ITGAV: variants seen among roughly 807,000 people sequenced by gnomAD.
The protein encoded by ITGAV is integrin subunit alpha V.
ITGAV carries 76 observed loss-of-function variants against 143.8 expected under a neutral mutation model. The observed-to-expected ratio is 0.53, with a 90% CI of 0.44 to 0.64. ITGAV has a LOEUF of 0.64. Among genes scored for constraint, ITGAV ranks in the 30% least tolerant of loss-of-function variants. ITGAV has a pLI of 0.00. For synonymous variants in ITGAV, 453 were observed against 446.7 expected (o/e 1.01, Z -0.18); for missense variants, 1,193 against 1,274.7 (o/e 0.94, Z 0.98).
chr2:186,649,756 A>G (rs1688371663), intron 13 of ITGAV, 84 bp from the exon 14 acceptor site: 4 of 909,888 alleles, frequency 4.4e-6, no homozygotes, highest in Non-Finnish European at 1.6e-6. Flanking sequence ...AAACCTTTTT[A>G]TATTCATTGA....
At chr2:186,642,539 T>C (rs1688136800) in intron 12 of ITGAV, among the ~76,000 whole-genome samples, 1 of 147,252 alleles carries the variant, frequency 6.8e-6, no homozygotes, top group Non-Finnish European at 1.5e-5. Context: ...TTTTTTCTTT[T>C]TTTTTTTTTT....
chr2:186,664,759 T>G, intron 20 of ITGAV, 118 bp downstream of exon 20: 2 of 1,217,464 alleles, frequency 1.6e-6, no homozygotes, highest in Non-Finnish European at 1.2e-6. Context: ...GCTAAATTGA[T>G]AGACAATGGA....
chr2:186,663,774 A>G lies in ITGAV; in HGVS notation c.1864A>G (p.Ile622Val). The part of the protein sequence containing the change: ...TPANISRQAH[I>V]LLDCGEDNVC... Reference sequence around the variant, plus strand: ...ATAAAATGTTTTTTTCTAGGCTCACATTCTACTTGACTGTGGTGAAGACAA... The same window carrying G: ...ATAAAATGTTTTTTTCTAGGCTCACGTTCTACTTGACTGTGGTGAAGACAA... The change falls in exon 19 of 30, where the codon ATT becomes GTT. Residue 622 changes from isoleucine (I) to valine (V), a missense_variant. Coordinates refer to ENST00000261023, the MANE Select transcript of ITGAV (RefSeq NM_002210.5). The G allele has an allele frequency of 1.9e-6, 3 of 1,611,834 alleles. No individual in the cohort carries two copies. The highest frequency in any genetic ancestry group is 2.2e-5 in the East Asian group (1 of 44,790).
At chr2:186,658,283 A>G (rs1289177701) in intron 17 of ITGAV, among the ~76,000 whole-genome samples, 1 of 152,200 alleles carries the variant, frequency 6.6e-6, no homozygotes, top group Non-Finnish European at 1.5e-5. Flanking sequence ...AAGAAGCAAG[A>G]CAAATACCCC....
intron 2 of ITGAV, among the ~76,000 whole-genome samples, chr2:186,619,063 GTA>G (rs144761943): frequency 6.1e-5 from 9 of 148,422 alleles, no homozygotes; most frequent in Admixed American, 1.3e-4. Flanking sequence ...GTATGTATGT[GTA>G]TATATATATA....
Position 186,630,773 on chromosome 2 carries a change from A to G in ITGAV, c.524-24A>G, listed in dbSNP as rs202060340. Reference sequence around the variant, plus strand: ...GTGTTGTTTGTTTTTGGGTTTGTGTATATTTCCAATCTTTTTATTTTAGAA... The same window carrying G: ...GTGTTGTTTGTTTTTGGGTTTGTGTGTATTTCCAATCTTTTTATTTTAGAA... On this transcript the variant is annotated intron_variant, in intron 4 of 29. Transcript: ENST00000261023. 301 of 1,359,292 alleles carry G rather than the reference A, an allele frequency of 2.2e-4. No individual in the cohort carries two copies. In the African/African-American group the frequency reaches 2.6e-3, roughly 12 times the overall value. 84.2% of individuals were successfully genotyped at this position (1,359,292 alleles called of 1,614,324 possible). A position where few individuals can be genotyped will look rare whatever the true frequency, so the allele number is the denominator to read the frequency against.
Position 186,676,905 on chromosome 2 carries a change from A to G in ITGAV, c.3021A>G (p.Leu1007=). Residue 1007 remains leucine (L), a synonymous_variant, in exon 29 of 30, where the codon CTA becomes CTG. Coordinates refer to ENST00000261023, the MANE Select transcript of ITGAV (RefSeq NM_002210.5). ...TAGCAGTTCTAGCAGGATTGTTGCT[A>G]CTGGCTGTTTTGGTATTTGTAATGT... is the stretch of plus-strand genomic sequence containing the variant. The part of the protein sequence containing the change: ...IILAVLAGLL[L]LAVLVFVMYR... 6.2e-7 allele frequency: 1 copy of G among 1,614,012 alleles called. No individual in the cohort carries two copies. Among genetic ancestry groups the G allele is most frequent in the African/African-American group, 1.3e-5 (1 of 75,006 alleles).
chr2:186,666,753 C>T lies in ITGAV; in HGVS notation c.2216C>T (p.Thr739Ile). 2 of 1,584,560 alleles carry T rather than the reference C, an allele frequency of 1.3e-6. No homozygotes were observed. The highest frequency in any genetic ancestry group is 1.7e-6 in the Non-Finnish European group (2 of 1,167,788). ...GTGCACCAGCAGTCAGAGATGGATACTTCTGTGAAATTTGACTTACAAATC... is the reference window on the plus strand; with the variant it reads ...GTGCACCAGCAGTCAGAGATGGATATTTCTGTGAAATTTGACTTACAAATC... ...FSVHQQSEMD[T>I]SVKFDLQIQS... The change falls in exon 22 of 30, where the codon ACT (threonine) becomes ATT (isoleucine). Residue 739 changes from threonine (T) to isoleucine (I), a missense_variant. Thr to Ile is a moderately conservative substitution (Grantham distance 89, BLOSUM62 -1). Coordinates refer to ENST00000261023, the MANE Select transcript of ITGAV (RefSeq NM_002210.5).
Position 186,638,262 on chromosome 2 carries a change from G to A in ITGAV, c.803-15G>A, listed in dbSNP as rs1688002052. The A allele has an allele frequency of 6.2e-7, 1 of 1,613,096 alleles. No homozygotes were observed. Among genetic ancestry groups the A allele is most frequent in the African/African-American group, 1.3e-5 (1 of 74,904 alleles). On this transcript the variant is annotated splice_polypyrimidine_tract_variant and intron_variant, in intron 8 of 29. Coordinates refer to ENST00000261023, the MANE Select transcript of ITGAV (RefSeq NM_002210.5). ...GTCCTAAAAAATGAATAATTTGTTT[G>A]TTTGTTTGTTTCAGACTTTGTTTCA...
At chr2:186,621,857 A>G (rs1400994282) in intron 2 of ITGAV, among the ~76,000 whole-genome samples, 1 of 152,142 alleles carries the variant, frequency 6.6e-6, no homozygotes, top group Non-Finnish European at 1.5e-5. Context: ...TCTTTTTTCT[A>G]CCAACCAAAT....
chr2:186,646,564 A>G (rs1019031370), intron 12 of ITGAV, 122 bp from the exon 13 acceptor site: 5 of 618,020 alleles, frequency 8.1e-6, no homozygotes, highest in African/African-American at 7.4e-5. Flanking sequence ...AAGTACTGAA[A>G]CTTTCTTCTC....
intron 26 of ITGAV, among the ~76,000 whole-genome samples, chr2:186,671,988 G>C (rs991360185): frequency 1.6e-5 from 2 of 126,196 alleles, no homozygotes; most frequent in South Asian, 2.5e-4. Flanking sequence ...GTCTCGCTCT[G>C]TCACCCAGGC....
Position 186,678,149 on chromosome 2 carries a change from A to G in ITGAV, c.*857A>G, listed in dbSNP as rs201166506. The G allele has an allele frequency of 1.3e-5, 2 of 152,152 alleles. No homozygotes were observed. The highest frequency in any genetic ancestry group is 4.8e-5 in the African/African-American group (2 of 41,452). The allele number at this position is 152,152 out of a possible 1,614,324, so 9.4% of individuals were successfully genotyped here. A position where few individuals can be genotyped will look rare whatever the true frequency, so the allele number is the denominator to read the frequency against. ...TTGTTTTAGTCTGGCTATTTACAGTATAAAAAAAGCATTTTTATTAAAATA... is the reference window on the plus strand; with the variant it reads ...TTGTTTTAGTCTGGCTATTTACAGTGTAAAAAAAGCATTTTTATTAAAATA... On this transcript the variant is annotated 3_prime_UTR_variant, in exon 30 of 30. Coordinates refer to ENST00000261023, the MANE Select transcript of ITGAV (RefSeq NM_002210.5).
intron 26 of ITGAV, among the ~76,000 whole-genome samples, chr2:186,670,492 G>A (rs1191003370): frequency 6.6e-6 from 1 of 152,058 alleles, no homozygotes; most frequent in Admixed American, 6.6e-5. Flanking sequence ...GTTGAGATGA[G>A]GTTTCACCAT....
chr2:186,672,078 A>C (rs2105751116), intron 26 of ITGAV, among the ~76,000 whole-genome samples: 1 of 151,264 alleles, frequency 6.6e-6, no homozygotes, highest in African/African-American at 2.4e-5. Flanking sequence ...CAGCCTCCCG[A>C]GTAGCTGGGA....
At chr2:186,638,512 T>C (rs752689131) in intron 10 of ITGAV, 47 bp downstream of exon 10, 39 of 1,441,664 alleles carry the variant, frequency 2.7e-5, no homozygotes, top group Non-Finnish European at 3.6e-5. Context: ...AAAAGCAGTA[T>C]GTACTCATTG....
rs148759630 is a variant in ITGAV at position 186,648,475 on chromosome 2, T to C, written c.1352-1365T>C. Reference sequence around the variant, plus strand: ...TAGAAATAAGGCATGAGTTTGATTCTTTTTTTTGAGATGAAGTCTCGCTCT... The same window carrying C: ...TAGAAATAAGGCATGAGTTTGATTCCTTTTTTTGAGATGAAGTCTCGCTCT... On this transcript the variant is annotated intron_variant, in intron 13 of 29. Coordinates refer to ENST00000261023, the MANE Select transcript of ITGAV (RefSeq NM_002210.5). Among the ~76,000 whole-genome samples, 177 of 152,176 alleles carry C rather than the reference T, an allele frequency of 1.2e-3. 1 individual carries two copies. Among genetic ancestry groups the C allele is most frequent in the African/African-American group, 4.0e-3 (166 of 41,512 alleles).
chr2:186,591,869 C>A (rs1242508781), intron 1 of ITGAV, among the ~76,000 whole-genome samples: 2 of 152,130 alleles, frequency 1.3e-5, no homozygotes, highest in Non-Finnish European at 2.9e-5. Context: ...ACAGATTTTC[C>A]AACATGATAA....
intron 2 of ITGAV, among the ~76,000 whole-genome samples, chr2:186,606,358 T>C (rs2105661956): frequency 6.6e-6 from 1 of 152,328 alleles, no homozygotes; most frequent in African/African-American, 2.4e-5. Flanking sequence ...TTGCACGGGT[T>C]ACTGTTAGGT....
Sources: allele counts gnomAD v4.1 joint callset (sites outside exome capture counted in the v4.1 genomes callset), GRCh38; gene constraint gnomAD v4.1.1; transcripts MANE v1.5; gene names NCBI Gene and HGNC (gene_info 2026-07-23, HGNC 2026-07-21).